GALNT13: variants seen among roughly 807,000 people sequenced by gnomAD.
GALNT13 encodes the protein UDP-GalNAc:polypeptide N-acetylgalactosaminyltransferase 13.
Under a neutral mutation model 64.2 loss-of-function variants are expected in GALNT13, and 28 were observed. The observed-to-expected ratio is 0.44, with a 90% CI of 0.32 to 0.60. The LOEUF is 0.60. Among genes scored for constraint, GALNT13 ranks in the 20% least tolerant of loss-of-function variants. The pLI is 0.05. For synonymous variants in GALNT13, 214 were observed against 224.6 expected (o/e 0.95, Z 0.42); for missense variants, 577 against 669.8 (o/e 0.86, Z 1.53).
At chr2:153,849,355 A>G in the GALNT13 span, among the ~76,000 whole-genome samples, 2 of 152,194 alleles carry the variant, frequency 1.3e-5, no homozygotes, top group Non-Finnish European at 2.9e-5. Context: ...TAAGACTATA[A>G]TGTCTGCTTT....
At chr2:153,098,182 T>G in the GALNT13 span, among the ~76,000 whole-genome samples, 4 of 152,350 alleles carry the variant, frequency 2.6e-5, no homozygotes, top group Admixed American at 6.5e-5. Context: ...TACCAGTCTT[T>G]GGATCAGTGT....
At chr2:153,935,411 T>C (rs1690833771) in intron 2 of GALNT13, among the ~76,000 whole-genome samples, 1 of 152,234 alleles carries the variant, frequency 6.6e-6, no homozygotes, top group Non-Finnish European at 1.5e-5. Context: ...TTAACTTTAT[T>C]TGGATCATCA....
the GALNT13 span, among the ~76,000 whole-genome samples, chr2:153,401,123 G>T: frequency 1.3e-5 from 2 of 152,032 alleles, no homozygotes; most frequent in Non-Finnish European, 2.9e-5. Context: ...CTGGTATGTT[G>T]TGTCTTTGTT....
the GALNT13 span, among the ~76,000 whole-genome samples, chr2:153,482,442 A>T: frequency 5.9e-5 from 9 of 152,170 alleles, no homozygotes; most frequent in Non-Finnish European, 1.2e-4. Context: ...CTTTACTTAC[A>T]ACCATGTAAT....
the GALNT13 span, among the ~76,000 whole-genome samples, chr2:153,562,449 C>T: frequency 6.6e-6 from 1 of 152,036 alleles, no homozygotes; most frequent in Admixed American, 6.6e-5. Context: ...CTGTGTCTGT[C>T]TTCTTTATTA....
chr2:154,061,327 G>A (rs1700171557), intron 3 of GALNT13, among the ~76,000 whole-genome samples: 2 of 152,144 alleles, frequency 1.3e-5, no homozygotes, highest in African/African-American at 4.8e-5. Flanking sequence ...CTAGTGTGGG[G>A]ATGGTAGCTT....
chr2:153,132,254 TAGA>T, the GALNT13 span, among the ~76,000 whole-genome samples: 5 of 152,078 alleles, frequency 3.3e-5, no homozygotes, highest in Non-Finnish European at 7.4e-5. Context: ...GGGGGAGAAA[TAGA>T]AGCACAAAGA....
rs186383457 is a variant in GALNT13 at position 154,297,216 on chromosome 2, T to C, written c.976-4193T>C. 2.8e-3 allele frequency among the ~76,000 whole-genome samples: 433 copies of C among 152,296 alleles called. 2 individuals carry two copies. Among genetic ancestry groups the C allele is most frequent in the African/African-American group, 9.7e-3 (404 of 41,560 alleles). ...TAATTAAATTTTTAAAAGACCACTT[T>C]GATTTCTCACTACAAAACAAATTGC... On this transcript the variant is annotated intron_variant, in intron 8 of 12. Coordinates refer to ENST00000392825, the MANE Select transcript of GALNT13 (RefSeq NM_052917.4).
At chr2:154,218,419 C>T (rs1688157545) in intron 4 of GALNT13, among the ~76,000 whole-genome samples, 2 of 152,022 alleles carry the variant, frequency 1.3e-5, no homozygotes, top group African/African-American at 2.4e-5. Context: ...GAAATATGCC[C>T]TCCCTTCACC....
At chr2:153,173,752 A>C in the GALNT13 span, among the ~76,000 whole-genome samples, 3 of 152,198 alleles carry the variant, frequency 2.0e-5, no homozygotes, top group African/African-American at 7.2e-5. Flanking sequence ...TTTAAGTCCC[A>C]AATCTCATCT....
At chr2:154,425,040 G>C (rs1700412971) in intron 11 of GALNT13, among the ~76,000 whole-genome samples, 1 of 152,186 alleles carries the variant, frequency 6.6e-6, no homozygotes, top group Non-Finnish European at 1.5e-5. Context: ...CCGGTGAAGA[G>C]TACTCTCCCT....
At chr2:153,124,943 A>G in the GALNT13 span, among the ~76,000 whole-genome samples, 53,220 of 152,070 alleles carry the variant, frequency 0.35, 9,652 homozygotes, top group South Asian at 0.5. Flanking sequence ...CATTCTGTCC[A>G]ACCCCTGTAC....
Position 153,886,836 on chromosome 2 carries a change from G to A in GALNT13, c.-176-14100G>A, listed in dbSNP as rs542324376. Among the ~76,000 whole-genome samples the A allele has an allele frequency of 2.0e-4, 31 of 152,066 alleles. No individual in the cohort carries two copies. In the South Asian group the frequency reaches 6.4e-3, roughly 32 times the overall value. On this transcript the variant is annotated intron_variant, in intron 1 of 12. Transcript: ENST00000392825. ...CTTGGCAATTAATTAGGACCTTTTA[G>A]CATATTAACTTCCTCTTCATTCTAA...
chr2:153,571,781 A>C, the GALNT13 span, among the ~76,000 whole-genome samples: 6 of 152,052 alleles, frequency 3.9e-5, no homozygotes, highest in Non-Finnish European at 5.9e-5. Context: ...GCATCTTTGC[A>C]TCCCAGGGAT....
chr2:153,992,232 G>T (rs1482753769), intron 3 of GALNT13, among the ~76,000 whole-genome samples: 2 of 152,126 alleles, frequency 1.3e-5, no homozygotes, highest in Admixed American at 6.6e-5. Context: ...TGAAGTAAAA[G>T]AATTAGAAAT....
intron 11 of GALNT13, among the ~76,000 whole-genome samples, chr2:154,418,406 G>A (rs748802270): frequency 3.3e-5 from 5 of 152,172 alleles, no homozygotes; most frequent in Non-Finnish European, 7.3e-5. Context: ...AGATAATCTT[G>A]TGTTATCTAG....
chr2:154,413,926 C>CA (rs1699897470), intron 11 of GALNT13, among the ~76,000 whole-genome samples: 1 of 152,044 alleles, frequency 6.6e-6, no homozygotes, highest in Admixed American at 6.6e-5. Flanking sequence ...TAGCTAAAAT[C>CA]TGGCAAGCGC....
chr2:153,315,366 G>C, the GALNT13 span, among the ~76,000 whole-genome samples: 4 of 152,186 alleles, frequency 2.6e-5, no homozygotes. Flanking sequence ...AGATGAAGCA[G>C]CTCTCTGGGG....
the GALNT13 span, among the ~76,000 whole-genome samples, chr2:153,345,693 T>G: frequency 7.7e-5 from 10 of 130,314 alleles, no homozygotes; most frequent in African/African-American, 2.8e-4. Context: ...CTTTCTTTCT[T>G]TCTTTCTTTC....
Sources: gnomAD v4.1 joint callset for allele counts (sites outside exome capture counted in the v4.1 genomes callset) on GRCh38, gnomAD v4.1.1 for gene constraint, MANE v1.5 for transcripts, NCBI Gene and HGNC (gene_info 2026-07-23, HGNC 2026-07-21) for gene names.